The following KDM1B variants were observed in gnomAD, a reference collection of about 807,000 sequenced individuals.
KDM1B encodes lysine demethylase 1B.
Under a neutral mutation model 107.4 loss-of-function variants are expected in KDM1B, and 63 were observed. The ratio of observed to expected loss-of-function variants is 0.59; its 90% CI spans 0.48 to 0.72. The LOEUF is 0.72. KDM1B is among the 30% of genes least tolerant of loss of function. The probability of loss-of-function intolerance (pLI) is 0.00; values close to 1 mark genes in which losing one functional copy is unlikely to be tolerated. For synonymous variants in KDM1B, 363 were observed against 363.9 expected, an observed-to-expected ratio of 1.00 and a Z score of 0.03; for missense variants, 749 against 1,020.8, an observed-to-expected ratio of 0.73 and a Z score of 3.63.
intron 7 of KDM1B, among the ~76,000 whole-genome samples, chr6:18,177,128 C>A (rs766448408): frequency 1.3e-5 from 2 of 152,028 alleles, no homozygotes; most frequent in African/African-American, 4.8e-5. Context: ...TTTTAATTAC[C>A]ATTTCAATCT....
chr6:18,160,549 T>A (rs182370498), intron 3 of KDM1B, among the ~76,000 whole-genome samples: 3 of 152,156 alleles, frequency 2.0e-5, no homozygotes, highest in African/African-American at 7.2e-5. Context: ...CCATTCTGGC[T>A]AACATGGTGA....
chr6:18,184,320 G>C (rs1786688979), intron 7 of KDM1B, among the ~76,000 whole-genome samples: 1 of 144,388 alleles, frequency 6.9e-6, no homozygotes, highest in South Asian at 2.2e-4. Flanking sequence ...TGTCGCCCAG[G>C]CTGGAGTTCA....
At chr6:18,192,067 T>C (rs1787314312) in intron 10 of KDM1B, among the ~76,000 whole-genome samples, 1 of 152,126 alleles carries the variant, frequency 6.6e-6, no homozygotes, top group Non-Finnish European at 1.5e-5. Flanking sequence ...AAGACCAGCC[T>C]GGGCAACATA....
In KDM1B at chr6:18,214,024, C is replaced by CT. The variant is rs1789043230; in HGVS notation, c.2109+244dup. On this transcript the variant is annotated intron_variant, in intron 19 of 21. Transcript: ENST00000650836. This position sits in a 1 kb window ranked among gnomAD's most constrained non-coding sequence, Gnocchi z 4.4. ...GACATGAATTGGATGCTTGTGGAAA[C>CT]TGTCATTTCAGGCTATGGGGGAATT... Among the ~76,000 whole-genome samples the CT allele has an allele frequency of 6.6e-6, 1 of 152,144 alleles. No homozygotes were observed. Among genetic ancestry groups the CT allele is most frequent in the Non-Finnish European group, 1.5e-5 (1 of 68,028 alleles).
intron 12 of KDM1B, among the ~76,000 whole-genome samples, chr6:18,199,943 A>G (rs921190003): frequency 6.6e-6 from 1 of 152,164 alleles, no homozygotes; most frequent in African/African-American, 2.4e-5. Flanking sequence ...CAGTGGCACA[A>G]TCTCTGCTCC....
chr6:18,189,134 T>C (rs1480262641), intron 9 of KDM1B, among the ~76,000 whole-genome samples: 1 of 152,134 alleles, frequency 6.6e-6, no homozygotes, highest in Non-Finnish European at 1.5e-5. Flanking sequence ...GAATTCTTGG[T>C]GTAAGAAGCA....
intron 3 of KDM1B, among the ~76,000 whole-genome samples, chr6:18,160,799 A>G (rs959731801): frequency 1.4e-5 from 2 of 146,434 alleles, no homozygotes; most frequent in Non-Finnish European, 3.0e-5. Flanking sequence ...CAATTTGGGG[A>G]ATGACTTTTT....
chr6:18,196,730 A>G (rs1313649035), intron 10 of KDM1B, among the ~76,000 whole-genome samples: 3 of 152,240 alleles, frequency 2.0e-5, no homozygotes, highest in Admixed American at 6.5e-5. Context: ...AACTATTTAC[A>G]TAGCATTTAC....
In KDM1B at chr6:18,215,104, C is replaced by G. The variant is rs200223055; in HGVS notation, c.2207C>G (p.Thr736Arg). The stretch of plus-strand genomic sequence containing the variant: ...CAGGTGCTGCAGCAGTGCATGGCCA[C>G]GCTCCGGGAGCTGTTCAAGGAGCAG... Reference protein sequence around the residue: ...DKQVLQQCMATLRELFKEQEV... With the variant: ...DKQVLQQCMARLRELFKEQEV... Residue 736 changes from threonine (T) to arginine (R), a missense_variant, in exon 20 of 22, where the codon ACG (threonine) becomes AGG (arginine). By Grantham distance (71) the Thr-to-Arg change is moderately conservative. Transcript: ENST00000650836. The G allele has an allele frequency of 6.2e-7, 1 of 1,613,264 alleles. No individual in the cohort carries two copies. Among genetic ancestry groups the G allele is most frequent in the Non-Finnish European group, 8.5e-7 (1 of 1,179,838 alleles).
At position 18,213,066 on chromosome 6, in the gene KDM1B, G is replaced by T. The variant is rs1194005100; in HGVS notation, c.1983+462G>T. Among the ~76,000 whole-genome samples, 1 of 152,152 alleles carries T rather than the reference G, an allele frequency of 6.6e-6. No individual in the cohort carries two copies. Among genetic ancestry groups the T allele is most frequent in the African/African-American group, 2.4e-5 (1 of 41,424 alleles). On this transcript the variant is annotated intron_variant, in intron 18 of 21. Coordinates refer to ENST00000650836, the MANE Select transcript of KDM1B (RefSeq NM_001364614.2). The surrounding 1 kb of genome is among the most constrained non-coding windows in gnomAD (Gnocchi z 5.9). ...ACGCCCAGGAGTGAGTCTTAGGAATGCTGGGCATCTTCAGACTAGCTTCTA... is the reference window on the plus strand; with the variant it reads ...ACGCCCAGGAGTGAGTCTTAGGAATTCTGGGCATCTTCAGACTAGCTTCTA...
In KDM1B at chr6:18,215,093, G is replaced by A. The variant is rs1464374861; in HGVS notation, c.2196G>A (p.Gln732=). The A allele has an allele frequency of 6.8e-6, 11 of 1,613,744 alleles. No homozygotes were observed. In the East Asian group the frequency reaches 1.1e-4, roughly 16 times the overall value. The change falls in exon 20 of 22, where the codon CAG becomes CAA. Residue 732 remains glutamine (Q), a synonymous_variant. Transcript: ENST00000650836. ...TGGATGACAAACAGGTGCTGCAGCA[G>A]TGCATGGCCACGCTCCGGGAGCTGT... ...RTLDDKQVLQ[Q]CMATLRELFK...
chr6:18,201,335 G>A lies in KDM1B; in HGVS notation c.1360-151G>A. 1.7e-6 allele frequency: 1 copy of A among 599,510 alleles called. No individual in the cohort carries two copies. The highest frequency in any genetic ancestry group is 2.2e-5 in the South Asian group (1 of 45,602). The allele number at this position is 599,510 out of a possible 1,614,324, so 37.1% of individuals were successfully genotyped here. On this transcript the variant is annotated intron_variant, in intron 13 of 21. Transcript: ENST00000650836. The surrounding 1 kb of genome is among the most constrained non-coding windows in gnomAD (Gnocchi z 4.3). ...CTGTTTTTTTTCACTGCCTGACTTTGCTGCCATTCCCCGTGAAGCATATTT... is the reference window on the plus strand; with the variant it reads ...CTGTTTTTTTTCACTGCCTGACTTTACTGCCATTCCCCGTGAAGCATATTT...
rs1788010871 is a variant in KDM1B, at chr6:18,201,261, T to C, written c.1360-225T>C. ...TACAATGGGCATGGCGTAGGAGCTG[T>C]TGCTGCCCCTCTCACATTCTCATCA... On this transcript the variant is annotated intron_variant, in intron 13 of 21. Transcript: ENST00000650836. This position sits in a 1 kb window ranked among gnomAD's most constrained non-coding sequence, Gnocchi z 4.3. Among the ~76,000 whole-genome samples the C allele has an allele frequency of 6.6e-6, 1 of 152,226 alleles. No individual in the cohort carries two copies. The highest frequency in any genetic ancestry group is 2.4e-5 in the African/African-American group (1 of 41,456).
intron 3 of KDM1B, among the ~76,000 whole-genome samples, chr6:18,160,457 C>T (rs1377108276): frequency 6.6e-6 from 1 of 152,086 alleles, no homozygotes; most frequent in Non-Finnish European, 1.5e-5. Flanking sequence ...TAGAGGGGGC[C>T]AGGCACGGTG....
chr6:18,201,335 G>C lies in KDM1B; in HGVS notation c.1360-151G>C. 1 of 599,510 alleles carries C rather than the reference G, an allele frequency of 1.7e-6. No homozygotes were observed. Among genetic ancestry groups the C allele is most frequent in the Non-Finnish European group, 2.9e-6 (1 of 343,874 alleles). The allele number at this position is 599,510 out of a possible 1,614,324, so 37.1% of individuals were successfully genotyped here. On this transcript the variant is annotated intron_variant, in intron 13 of 21. Coordinates refer to ENST00000650836, the MANE Select transcript of KDM1B (RefSeq NM_001364614.2). This position sits in a 1 kb window ranked among gnomAD's most constrained non-coding sequence, Gnocchi z 4.3. ...CTGTTTTTTTTCACTGCCTGACTTT[G>C]CTGCCATTCCCCGTGAAGCATATTT...
chr6:18,199,547 A>G (rs969556522), intron 12 of KDM1B, among the ~76,000 whole-genome samples: 8 of 152,112 alleles, frequency 5.3e-5, no homozygotes, highest in African/African-American at 1.9e-4. Context: ...GGCACTAGGC[A>G]TCCAGGGCTG....
At chr6:18,202,062 G>A (rs1264566397) in intron 14 of KDM1B, among the ~76,000 whole-genome samples, 2 of 152,050 alleles carry the variant, frequency 1.3e-5, no homozygotes, top group Non-Finnish European at 2.9e-5. Context: ...AGTGAGTTAA[G>A]GTTTTTTCCA....
chr6:18,218,033 T>C (rs1789383962), intron 21 of KDM1B, 148 bp downstream of exon 21: 1 of 793,778 alleles, frequency 1.3e-6, no homozygotes, highest in Non-Finnish European at 2.0e-6. Context: ...ACCATCCTCT[T>C]GCTCCCAGAG....
intron 7 of KDM1B, among the ~76,000 whole-genome samples, chr6:18,177,560 T>C (rs956284756): frequency 2.0e-5 from 3 of 151,702 alleles, no homozygotes; most frequent in African/African-American, 7.3e-5. Flanking sequence ...TATTTATTTA[T>C]TTATTTATTT....
Sources: gnomAD v4.1 joint callset for allele counts (sites outside exome capture counted in the v4.1 genomes callset) on GRCh38, gnomAD v4.1.1 for gene constraint, Gnocchi (gnomAD v3.1) non-coding constraint, MANE v1.5 for transcripts, NCBI Gene and HGNC (gene_info 2026-07-23, HGNC 2026-07-21) for gene names.